RTL4: variants seen among roughly 807,000 people sequenced by gnomAD.
The protein encoded by RTL4 is retrotransposon Gag like 4.
Under a neutral mutation model 5.3 loss-of-function variants are expected in RTL4, and 4 were observed. That is an observed-to-expected ratio of 0.75 (90% confidence interval 0.37 to 1.72). RTL4 has a LOEUF of 1.72. Ranked by LOEUF, RTL4 falls within the 40% of genes most tolerant of loss-of-function variation. The pLI, the probability that RTL4 is intolerant of heterozygous loss-of-function variation, is 0.04. For synonymous variants in RTL4, 98 were observed against 87.3 expected, an observed-to-expected ratio of 1.12 and a Z score of -0.68; for missense variants, 260 against 227.1, an observed-to-expected ratio of 1.14 and a Z score of -0.93.
chrX:112,085,572 G>C, the RTL4 span, among the ~76,000 whole-genome samples: 3 of 111,628 alleles, frequency 2.7e-5, no homozygotes, highest in East Asian at 8.5e-4. Flanking sequence ...TTGGGGGGCT[G>C]CCCTGTGCAT....
the RTL4 span, among the ~76,000 whole-genome samples, chrX:112,124,928 T>C: frequency 9.0e-6 from 1 of 111,470 alleles, no homozygotes; most frequent in Non-Finnish European, 1.9e-5. Context: ...TTAGAGACAG[T>C]CTTTCTGTCT....
At chrX:112,288,697 T>C in the RTL4 span, among the ~76,000 whole-genome samples, 1 of 111,819 alleles carries the variant, frequency 8.9e-6, no homozygotes, top group Non-Finnish European at 1.9e-5. Context: ...CTCTTCTCTA[T>C]ACCATCCTTA....
At chrX:112,454,799 T>C (rs1926804367) in exon 1 of RTL4, 1 of 1,209,693 alleles carries the variant, frequency 8.3e-7, no homozygotes, top group African/African-American at 1.7e-5. Context: ...GAGAATCTGA[T>C]TCTGCGGCTT....
the RTL4 span, among the ~76,000 whole-genome samples, chrX:112,111,461 C>T: frequency 1.8e-5 from 2 of 112,665 alleles, no homozygotes; most frequent in African/African-American, 6.5e-5. Context: ...ACTGCGACCT[C>T]CTTGGATTTT....
chrX:112,155,766 T>C, the RTL4 span, among the ~76,000 whole-genome samples: 1 of 111,893 alleles, frequency 8.9e-6, no homozygotes, highest in South Asian at 3.7e-4. Flanking sequence ...AAAATTGATT[T>C]TGCCATTTTT....
the RTL4 span, among the ~76,000 whole-genome samples, chrX:112,284,288 A>G: frequency 9.1e-6 from 1 of 109,958 alleles, no homozygotes; most frequent in Non-Finnish European, 1.9e-5. Flanking sequence ...GATGTGATAT[A>G]TGTGAAAAAA....
At chrX:112,211,168 C>T in the RTL4 span, among the ~76,000 whole-genome samples, 1 of 111,918 alleles carries the variant, frequency 8.9e-6, no homozygotes, top group Non-Finnish European at 1.9e-5. Context: ...CATAAATAGA[C>T]AACTGAAGGC....
the RTL4 span, among the ~76,000 whole-genome samples, chrX:112,308,794 A>C: frequency 6.3e-5 from 7 of 111,380 alleles, no homozygotes; most frequent in Non-Finnish European, 1.3e-4. Context: ...GAGACTCCTT[A>C]GAGCCAGTAT....
At chrX:112,122,461 C>T in the RTL4 span, among the ~76,000 whole-genome samples, 8 of 109,044 alleles carry the variant, frequency 7.3e-5, no homozygotes, top group African/African-American at 1.3e-4. Context: ...TGAGGGAAGG[C>T]GAGGGATGGT....
chrX:112,446,828 C>T, the RTL4 span, among the ~76,000 whole-genome samples: 1 of 111,435 alleles, frequency 9.0e-6, no homozygotes, highest in African/African-American at 3.3e-5. Context: ...ACCTAGGCAA[C>T]AGAGTGAGAC....
chrX:112,452,294 G>T (rs1299970436), upstream of RTL4, among the ~76,000 whole-genome samples: 1 of 97,128 alleles, frequency 1.0e-5, no homozygotes, highest in Non-Finnish European at 2.1e-5. Flanking sequence ...GTAGAGATGA[G>T]GTTTCACCAT....
At chrX:112,316,851 A>T in the RTL4 span, among the ~76,000 whole-genome samples, 1 of 111,596 alleles carries the variant, frequency 9.0e-6, no homozygotes, top group African/African-American at 3.3e-5. Flanking sequence ...CATTTGCCCA[A>T]ATTACAGACC....
At chrX:112,304,508 C>T in the RTL4 span, among the ~76,000 whole-genome samples, 2 of 110,795 alleles carry the variant, frequency 1.8e-5, no homozygotes, top group Admixed American at 9.6e-5. Context: ...GGCAAGCCCC[C>T]TGGTCAAAGA....
chrX:112,175,916 T>C, the RTL4 span, among the ~76,000 whole-genome samples: 1 of 110,603 alleles, frequency 9.0e-6, no homozygotes, highest in African/African-American at 3.3e-5. Context: ...GGGTATTCAA[T>C]TAGGAAAAGA....
chrX:112,295,466 C>T, the RTL4 span, among the ~76,000 whole-genome samples: 2 of 112,402 alleles, frequency 1.8e-5, no homozygotes, highest in South Asian at 3.7e-4. Flanking sequence ...GAGCACTTTT[C>T]CTCAAAGGGT....
chrX:112,325,810 T>G, the RTL4 span, among the ~76,000 whole-genome samples: 3 of 112,154 alleles, frequency 2.7e-5, no homozygotes, highest in Non-Finnish European at 5.6e-5. Context: ...TGGGATCTAA[T>G]TAAACTAAAG....
At chrX:112,085,879 TAA>T in the RTL4 span, among the ~76,000 whole-genome samples, 63 of 112,066 alleles carry the variant, frequency 5.6e-4, no homozygotes, top group African/African-American at 2.0e-3. Flanking sequence ...ACAAATTAGC[TAA>T]GTTTTGACAA....
At chrX:112,094,328 T>C in the RTL4 span, among the ~76,000 whole-genome samples, 3 of 111,096 alleles carry the variant, frequency 2.7e-5, no homozygotes, top group Non-Finnish European at 3.8e-5. Context: ...TAAATAGTGA[T>C]ACCATTTCAC....
At chrX:112,341,136 A>G in the RTL4 span, among the ~76,000 whole-genome samples, 13 of 110,392 alleles carry the variant, frequency 1.2e-4, no homozygotes, top group African/African-American at 4.3e-4. Flanking sequence ...ACAGAAAAAA[A>G]TGATATCACT....
Sources: allele counts gnomAD v4.1 joint callset (sites outside exome capture counted in the v4.1 genomes callset), GRCh38; gene constraint gnomAD v4.1.1; transcripts MANE v1.5; gene names NCBI Gene and HGNC (gene_info 2026-07-23, HGNC 2026-07-21).